Variants in AP1G1 observed in about 807,000 individuals in gnomAD.
The protein encoded by AP1G1 is adaptor related protein complex 1 subunit gamma 1.
In AP1G1, 7 loss-of-function variants were observed where a neutral mutation model predicts 108.3. The observed-to-expected ratio is 0.06, with a 90% CI of 0.04 to 0.12. The LOEUF is 0.12. AP1G1 is among the 10% of genes least tolerant of loss of function. The pLI is 1.00. For missense variants in AP1G1, 756 were observed against 1,010.7 expected, an observed-to-expected ratio of 0.75 and a Z score of 3.42; for synonymous variants, 379 against 353.5, an observed-to-expected ratio of 1.07 and a Z score of -0.81.
chr16:71,804,038 A>G (rs771535786), intron 1 of AP1G1, among the ~76,000 whole-genome samples: 1 of 151,714 alleles, frequency 6.6e-6, no homozygotes, highest in Non-Finnish European at 1.5e-5. Context: ...TTTGATAAAC[A>G]TATTTTATTT....
chr16:71,808,354 G>C, intron 1 of AP1G1: 1 of 824,380 alleles, frequency 1.2e-6, no homozygotes, highest in Non-Finnish European at 1.6e-6. Flanking sequence ...TTATCTGACA[G>C]ACCTGACACG....
rs2031652263 is a variant in AP1G1 at position 71,773,507 on chromosome 16, C to CT, written c.327-146dup. On this transcript the variant is annotated intron_variant, in intron 3 of 22. Transcript: ENST00000299980. ...TTGTTGCAGAAAATGTTTATCCCAA[C>CT]TTTATTACAAATTATCAATATAGTA... The CT allele has an allele frequency of 6.1e-6, 5 of 814,062 alleles. No homozygotes were observed. In the South Asian group the frequency reaches 1.4e-4, roughly 23 times the overall value. The allele number at this position is 814,062 out of a possible 1,614,324, so 50.4% of individuals were successfully genotyped here.
intron 1 of AP1G1, among the ~76,000 whole-genome samples, chr16:71,807,292 C>G (rs1371206179): frequency 6.6e-6 from 1 of 152,106 alleles, no homozygotes; most frequent in East Asian, 1.9e-4. Context: ...ATTAGCCGGG[C>G]GTGGCGGCGT....
chr16:71,762,779 TC>T (rs1378279088), intron 9 of AP1G1, among the ~76,000 whole-genome samples: 1 of 152,208 alleles, frequency 6.6e-6, no homozygotes, highest in East Asian at 1.9e-4. Flanking sequence ...TAAAGTGTTT[TC>T]CTGAGTTCTG....
chr16:71,742,414 A>G (rs1007630698), intron 19 of AP1G1: 2 of 152,166 alleles, frequency 1.3e-5, no homozygotes, highest in African/African-American at 4.8e-5. Flanking sequence ...TTTTAAAATG[A>G]TAATATACAA....
At chr16:71,780,355 G>A (rs1233174597) in intron 2 of AP1G1, among the ~76,000 whole-genome samples, 1 of 151,822 alleles carries the variant, frequency 6.6e-6, no homozygotes, top group Non-Finnish European at 1.5e-5. Flanking sequence ...AGCCAGGCGT[G>A]GTGGCATGCA....
Position 71,731,609 on chromosome 16 carries a change from G to A in AP1G1, c.*1449C>T, listed in dbSNP as rs2045475674. The A allele has an allele frequency of 6.6e-6, 1 of 152,384 alleles. No individual in the cohort carries two copies. The allele number at this position is 152,384 out of a possible 1,614,324, so 9.4% of individuals were successfully genotyped here. On this transcript the variant is annotated 3_prime_UTR_variant, in exon 23 of 23. Coordinates refer to ENST00000299980, the MANE Select transcript of AP1G1 (RefSeq NM_001128.6). ...CATAGTACATTCAATGTGTACCACA[G>A]AGAGAGTCACCTCTACTTCATTCCA...
chr16:71,792,891 G>C (rs1281836330), intron 1 of AP1G1, among the ~76,000 whole-genome samples: 3 of 151,218 alleles, frequency 2.0e-5, no homozygotes, highest in Non-Finnish European at 2.9e-5. Flanking sequence ...AGTGAGGCTG[G>C]GCACGGTGGC....
chr16:71,755,955 T>C, intron 12 of AP1G1, 64 bp downstream of exon 12: 1 of 1,549,542 alleles, frequency 6.5e-7, no homozygotes, highest in Non-Finnish European at 8.7e-7. Flanking sequence ...CCTCCCCATG[T>C]TTTAAAGACA....
chr16:71,774,082 A>C (rs2031681060), intron 3 of AP1G1, among the ~76,000 whole-genome samples: 1 of 142,222 alleles, frequency 7.0e-6, no homozygotes, highest in African/African-American at 2.6e-5. Context: ...AAAAAAAAAA[A>C]CCAGAACAAA....
At chr16:71,736,546 AATTT>A (rs1006226190) in intron 21 of AP1G1, among the ~76,000 whole-genome samples, 5 of 136,954 alleles carry the variant, frequency 3.7e-5, no homozygotes, top group Non-Finnish European at 6.2e-5. Context: ...ACGCCCGGCT[AATTT>A]ATTATTTATT....
rs1267743653 is a variant in AP1G1 at position 71,765,650 on chromosome 16, C to T, written c.643-66G>A. On this transcript the variant is annotated intron_variant, in intron 6 of 22. Coordinates refer to ENST00000299980, the MANE Select transcript of AP1G1 (RefSeq NM_001128.6). ...AAGAATGTCTCATGAATAAGCAGGTCCTTTGGTTTAGAAAAAGGGTGTAAG... is the reference window on the plus strand; with the variant it reads ...AAGAATGTCTCATGAATAAGCAGGTTCTTTGGTTTAGAAAAAGGGTGTAAG... 3.0e-6 allele frequency: 4 copies of T among 1,343,964 alleles called. No individual in the cohort carries two copies. In the South Asian group the frequency reaches 4.7e-5, roughly 16 times the overall value. The allele number at this position is 1,343,964 out of a possible 1,614,324, so 83.3% of individuals were successfully genotyped here. A position where few individuals can be genotyped will look rare whatever the true frequency, so the allele number is the denominator to read the frequency against.
intron 2 of AP1G1, among the ~76,000 whole-genome samples, chr16:71,788,390 T>A (rs559831865): frequency 2.0e-5 from 3 of 152,176 alleles, no homozygotes; most frequent in African/African-American, 7.2e-5. Flanking sequence ...CTTATGACAA[T>A]ATAAACATGC....
intron 1 of AP1G1, 27 bp from the exon 2 acceptor site, chr16:71,789,509 G>GA: frequency 6.3e-7 from 1 of 1,598,884 alleles, no homozygotes; most frequent in Non-Finnish European, 8.6e-7. Flanking sequence ...ATTAAATAGA[G>GA]ATGTTCACAT....
intron 11 of AP1G1, 148 bp downstream of exon 11, chr16:71,758,660 C>T: frequency 1.6e-6 from 1 of 621,302 alleles, no homozygotes; most frequent in Non-Finnish European, 2.9e-6. Context: ...TGAGCAGAGT[C>T]CATCTGTGAA....
At chr16:71,754,017 TC>T in intron 12 of AP1G1, 130 bp from the exon 13 acceptor site, 1 of 792,148 alleles carries the variant, frequency 1.3e-6, no homozygotes, top group Non-Finnish European at 2.1e-6. Context: ...AGGTGGGAGA[TC>T]ACCTGAGCTC....
chr16:71,750,190 T>C lies in AP1G1; in HGVS notation c.1407+20A>G. 6.2e-7 allele frequency: 1 copy of C among 1,610,142 alleles called. No individual in the cohort carries two copies. The highest frequency in any genetic ancestry group is 8.5e-7 in the Non-Finnish European group (1 of 1,178,898). On this transcript the variant is annotated intron_variant, in intron 14 of 22. Transcript: ENST00000299980. ...TTGAGGGTAAAATTACCCCCTAAAA[T>C]AGTTGAATGAAGTACTTACTTGAGA...
intron 4 of AP1G1, among the ~76,000 whole-genome samples, chr16:71,772,190 G>A (rs1421153772): frequency 6.6e-6 from 1 of 151,666 alleles, no homozygotes; most frequent in Non-Finnish European, 1.5e-5. Flanking sequence ...GAGTACAATG[G>A]CGCAATGTCG....
chr16:71,786,108 T>C (rs1382288793), intron 2 of AP1G1, among the ~76,000 whole-genome samples: 1 of 152,154 alleles, frequency 6.6e-6, no homozygotes, highest in African/African-American at 2.4e-5. Context: ...CAGAAAAATA[T>C]TTTATGATAA....
Sources: gnomAD v4.1 joint callset for allele counts (sites outside exome capture counted in the v4.1 genomes callset) on GRCh38, gnomAD v4.1.1 for gene constraint, MANE v1.5 for transcripts, NCBI Gene and HGNC (gene_info 2026-07-23, HGNC 2026-07-21) for gene names.